The following MAF variants were observed in gnomAD, a reference collection of about 807,000 sequenced individuals.
MAF encodes the protein transcription factor Maf.
Under a neutral mutation model 22.0 loss-of-function variants are expected in MAF, and 10 were observed. The ratio of observed to expected loss-of-function variants is 0.45; its 90% confidence interval spans 0.28 to 0.77. The LOEUF (loss-of-function observed/expected upper bound fraction) is 0.77. MAF is among the 30% of genes least tolerant of loss of function. The pLI is 0.12. For synonymous variants in MAF, 337 were observed against 255.8 expected (o/e 1.32, Z -3.03); for missense variants, 544 against 548.4 (o/e 0.99, Z 0.08).
At chr16:79,264,093 G>T in the MAF span, among the ~76,000 whole-genome samples, 1 of 152,204 alleles carries the variant, frequency 6.6e-6, no homozygotes, top group South Asian at 2.1e-4. Context: ...GTCCCATGAA[G>T]ATTGAAATCC....
the MAF span, among the ~76,000 whole-genome samples, chr16:79,480,767 G>A: frequency 6.6e-6 from 1 of 152,136 alleles, no homozygotes; most frequent in Non-Finnish European, 1.5e-5. Context: ...AGACATGGAA[G>A]GTGAGTGTAG....
the MAF span, among the ~76,000 whole-genome samples, chr16:79,400,591 C>A: frequency 1.1e-4 from 16 of 152,330 alleles, 1 homozygote; most frequent in East Asian, 3.1e-3. Context: ...AGAAGAATAC[C>A]CCCTTCACGG....
At chr16:79,360,838 A>G in the MAF span, among the ~76,000 whole-genome samples, 2 of 152,168 alleles carry the variant, frequency 1.3e-5, no homozygotes, top group Non-Finnish European at 2.9e-5. Context: ...ATGACTCAGG[A>G]GCATCTACCT....
At chr16:79,587,273 T>G (rs1714180738) in intron 1 of MAF, among the ~76,000 whole-genome samples, 2 of 152,180 alleles carry the variant, frequency 1.3e-5, no homozygotes, top group African/African-American at 4.8e-5. Flanking sequence ...TACATTTTTT[T>G]TTGCCAAATA....
At chr16:79,268,792 A>G in the MAF span, among the ~76,000 whole-genome samples, 1 of 152,220 alleles carries the variant, frequency 6.6e-6, no homozygotes, top group Non-Finnish European at 1.5e-5. Flanking sequence ...GCTGCCGGCC[A>G]CCTGGGGCAG....
the MAF span, among the ~76,000 whole-genome samples, chr16:79,376,886 G>A: frequency 0.32 from 48,163 of 152,040 alleles, 9,049 homozygotes; most frequent in Non-Finnish European, 0.44. Flanking sequence ...GTATTCCATG[G>A]TGTATATATG....
the MAF span, among the ~76,000 whole-genome samples, chr16:79,234,156 T>A: frequency 6.6e-6 from 1 of 152,206 alleles, no homozygotes; most frequent in South Asian, 2.1e-4. Context: ...CTTTTCACAC[T>A]GTCCTTCACA....
chr16:79,461,029 G>C, the MAF span, among the ~76,000 whole-genome samples: 2 of 152,252 alleles, frequency 1.3e-5, no homozygotes, highest in South Asian at 4.2e-4. Context: ...TGTGAAATTT[G>C]GTACCAAAAA....
the MAF span, among the ~76,000 whole-genome samples, chr16:79,209,795 G>C: frequency 6.6e-6 from 1 of 152,192 alleles, no homozygotes; most frequent in Non-Finnish European, 1.5e-5. Context: ...ATGCAGAAGA[G>C]CCAGATAAAC....
chr16:79,457,210 T>A, the MAF span, among the ~76,000 whole-genome samples: 1 of 152,304 alleles, frequency 6.6e-6, no homozygotes, highest in South Asian at 2.1e-4. Context: ...GTATTTTCCA[T>A]GCAACAGGTG....
chr16:79,529,527 CAAT>C, the MAF span, among the ~76,000 whole-genome samples: 2 of 152,102 alleles, frequency 1.3e-5, no homozygotes, highest in African/African-American at 4.8e-5. Flanking sequence ...ATAACAACAA[CAAT>C]GCCAATCTTA....
chr16:79,495,924 A>C, the MAF span, among the ~76,000 whole-genome samples: 1 of 152,210 alleles, frequency 6.6e-6, no homozygotes, highest in Admixed American at 6.5e-5. Context: ...AGTGTGATGG[A>C]GATAACACAC....
the MAF span, among the ~76,000 whole-genome samples, chr16:79,209,994 G>C: frequency 5.3e-5 from 8 of 152,216 alleles, no homozygotes; most frequent in African/African-American, 1.9e-4. Flanking sequence ...TGATAATGGA[G>C]GGAGATTGGG....
the MAF span, among the ~76,000 whole-genome samples, chr16:79,534,787 C>T: frequency 6.6e-6 from 1 of 152,104 alleles, no homozygotes. Context: ...GTCAGGCACA[C>T]CCTCTTCAGT....
the MAF span, among the ~76,000 whole-genome samples, chr16:79,233,105 G>C: frequency 2.6e-5 from 4 of 152,038 alleles, no homozygotes; most frequent in Admixed American, 6.6e-5. Context: ...CTCCCAAAGT[G>C]CTGGGATTAT....
At chr16:79,293,545 G>C in the MAF span, among the ~76,000 whole-genome samples, 1 of 152,274 alleles carries the variant, frequency 6.6e-6, no homozygotes, top group Admixed American at 6.5e-5. Context: ...TTTGTCAAAT[G>C]AGTGATGCTA....
At chr16:79,273,963 T>C in the MAF span, among the ~76,000 whole-genome samples, 2 of 147,776 alleles carry the variant, frequency 1.4e-5, no homozygotes, top group Non-Finnish European at 3.0e-5. Flanking sequence ...TTTTTTTTTT[T>C]TTTTTTTTTT....
In MAF at chr16:79,600,654, G is replaced by A. The variant is rs533674566; in HGVS notation, c.-752C>T. ...GGGAAAGACGAGGCAGAGAGCAAAG[G>A]GGGGAGGGGGAGGCCAAGCCGACAA... On this transcript the variant is annotated 5_prime_UTR_variant, in exon 1 of 2. Coordinates refer to ENST00000326043, the MANE Select transcript of MAF (RefSeq NM_005360.5). 3 of 196,332 alleles carry A rather than the reference G, an allele frequency of 1.5e-5. No individual in the cohort carries two copies. The highest frequency in any genetic ancestry group is 4.7e-5 in the African/African-American group (2 of 42,242). The allele number at this position is 196,332 out of a possible 1,614,324, so 12.2% of individuals were successfully genotyped here.
At chr16:79,304,714 A>G in the MAF span, among the ~76,000 whole-genome samples, 1 of 152,180 alleles carries the variant, frequency 6.6e-6, no homozygotes, top group Admixed American at 6.5e-5. Flanking sequence ...AATCATACAT[A>G]TTTTGTTTCA....
Sources: gnomAD v4.1 joint callset for allele counts (sites outside exome capture counted in the v4.1 genomes callset) on GRCh38, gnomAD v4.1.1 for gene constraint, MANE v1.5 for transcripts, NCBI Gene and HGNC (gene_info 2026-07-23, HGNC 2026-07-21) for gene names.